Variants in DNAH12 observed in about 807,000 individuals in gnomAD.
DNAH12 encodes dynein axonemal heavy chain 12.
Under a neutral mutation model 371.5 loss-of-function variants are expected in DNAH12, and 285 were observed. That is an observed-to-expected ratio of 0.77 (90% CI 0.70 to 0.85). The LOEUF (loss-of-function observed/expected upper bound fraction) is 0.85. DNAH12 is among the 40% of genes least tolerant of loss of function. The pLI, the probability that DNAH12 is intolerant of heterozygous loss-of-function variation, is 0.00. For missense variants in DNAH12, 3,611 were observed against 3,689.4 expected, an observed-to-expected ratio of 0.98 and a Z score of 0.55; for synonymous variants, 1,200 against 1,213.0, an observed-to-expected ratio of 0.99 and a Z score of 0.22.
intron 32 of DNAH12, among the ~76,000 whole-genome samples, chr3:57,432,509 G>T (rs946448080): frequency 2.7e-5 from 3 of 111,320 alleles, no homozygotes; most frequent in Non-Finnish European, 5.9e-5. Flanking sequence ...CTAATTAAAT[G>T]AGTTTGTTTA....
intron 11 of DNAH12, chr3:57,498,549 A>G: frequency 1.4e-6 from 1 of 717,152 alleles, no homozygotes; most frequent in Non-Finnish European, 2.6e-6. Flanking sequence ...CTAGAAAGAG[A>G]AATGAAAGCA....
intron 49 of DNAH12, among the ~76,000 whole-genome samples, chr3:57,383,719 CG>C (rs1387936376): frequency 7.0e-6 from 1 of 143,564 alleles, no homozygotes; most frequent in African/African-American, 2.6e-5. Flanking sequence ...ATGATCACAT[CG>C]TTGCACTCCA....
intron 34 of DNAH12, 167 bp downstream of exon 34, chr3:57,428,466 T>C (rs753939129): frequency 2.8e-5 from 43 of 1,535,078 alleles, no homozygotes; most frequent in Non-Finnish European, 3.6e-5. Context: ...ATTCAACCCC[T>C]GAGTTATGCA....
At chr3:57,464,983 T>C (rs982278331) in intron 17 of DNAH12, among the ~76,000 whole-genome samples, 1 of 152,206 alleles carries the variant, frequency 6.6e-6, no homozygotes, top group Non-Finnish European at 1.5e-5. Context: ...AGAGGGGGAA[T>C]TGGCACAGGA....
At chr3:57,514,211 T>C (rs1014403241) in intron 4 of DNAH12, among the ~76,000 whole-genome samples, 2 of 151,880 alleles carry the variant, frequency 1.3e-5, no homozygotes, top group African/African-American at 2.4e-5. Context: ...CTGGCCAACA[T>C]GGTGAAACCC....
chr3:57,385,797 G>T (rs1300098508), intron 47 of DNAH12, among the ~76,000 whole-genome samples: 2 of 152,134 alleles, frequency 1.3e-5, no homozygotes, highest in African/African-American at 4.8e-5. Context: ...CAGGAGAATT[G>T]CTTGAACCCG....
chr3:57,335,623 G>T (rs182019617), intron 60 of DNAH12, among the ~76,000 whole-genome samples: 2 of 152,272 alleles, frequency 1.3e-5, no homozygotes, highest in Admixed American at 6.5e-5. Context: ...TAACATAATG[G>T]CATGTATTTG....
intron 2 of DNAH12, chr3:57,530,742 C>A: frequency 3.7e-6 from 1 of 268,464 alleles, no homozygotes; most frequent in Non-Finnish European, 7.3e-6. Context: ...ATTGATGATC[C>A]TTGTTTTGCA....
At chr3:57,368,520 T>TA (rs36132992) in intron 55 of DNAH12, among the ~76,000 whole-genome samples, 79,065 of 151,936 alleles carry the variant, frequency 0.52, 21,898 homozygotes, top group Non-Finnish European at 0.63. Flanking sequence ...AGTTCAGTGT[T>TA]AGAAGTAGTA....
upstream of DNAH12, among the ~76,000 whole-genome samples, chr3:57,545,495 A>G (rs1254275144): frequency 6.6e-6 from 1 of 151,790 alleles, no homozygotes; most frequent in East Asian, 1.9e-4. Flanking sequence ...ATGACAGATT[A>G]GACAGTTTTT....
the DNAH12 span, among the ~76,000 whole-genome samples, chr3:57,550,506 A>C: frequency 6.6e-6 from 1 of 151,746 alleles, no homozygotes; most frequent in Non-Finnish European, 1.5e-5. Context: ...ATTTTTCCAT[A>C]CATTTATTTT....
Position 57,301,824 on chromosome 3 carries a change from G to T in DNAH12, c.11305C>A (p.Pro3769Thr), listed in dbSNP as rs1307743058. Reference protein sequence around the residue: ...LSGSLLVGKVPEIWAKRSYPS... With the variant: ...LSGSLLVGKVTEIWAKRSYPS... ...TATGAACGTTTGGCCCATATTTCTGGAACCTTTCCAACAAGTAAGCTACCG... is the reference window on the plus strand; with the variant it reads ...TATGAACGTTTGGCCCATATTTCTGTAACCTTTCCAACAAGTAAGCTACCG... The change falls in exon 70 of 74, where the codon CCA becomes ACA. Residue 3769 changes from proline (P) to threonine (T), a missense_variant. Pro to Thr is a conservative substitution (Grantham distance 38). This residue lies in a region of DNAH12 where 2,266 missense variants were observed against 2,236.9 expected (regional missense o/e 1.01). Transcript: ENST00000495027. 20 of 1,551,306 alleles carry T rather than the reference G, an allele frequency of 1.3e-5. No individual in the cohort carries two copies. The highest frequency in any genetic ancestry group is 1.1e-4 in the South Asian group (9 of 84,048).
intron 44 of DNAH12, among the ~76,000 whole-genome samples, 171 bp downstream of exon 44, chr3:57,394,000 T>C (rs1260883303): frequency 1.3e-5 from 2 of 152,204 alleles, no homozygotes; most frequent in African/African-American, 4.8e-5. Flanking sequence ...ATAACTATGG[T>C]AGAAGCAATT....
chr3:57,502,529 ATAAT>A (rs747317984), intron 9 of DNAH12, 50 bp from the exon 10 acceptor site: 2 of 1,538,038 alleles, frequency 1.3e-6, no homozygotes, highest in South Asian at 2.3e-5. Flanking sequence ...ATCTAACTGT[ATAAT>A]TAATCTATAT....
At position 57,334,936 on chromosome 3, in the gene DNAH12, T is replaced by C. The variant is rs1003024996; in HGVS notation, c.9679A>G (p.Arg3227Gly). Residue 3227 changes from arginine to glycine, a missense_variant, in exon 61 of 74, where the codon AGG becomes GGG. Coordinates refer to ENST00000495027, the MANE Select transcript of DNAH12 (RefSeq NM_001366028.2). The part of the protein sequence containing the change: ...FLLCANLLLA[R>G]KEIEYQELMF... ...AGTTCCTGGTATTCAATCTCTTTCCTTGCCCTGTATTCCCAAAATAAGGAC... is the reference window on the plus strand; with the variant it reads ...AGTTCCTGGTATTCAATCTCTTTCCCTGCCCTGTATTCCCAAAATAAGGAC... 7.1e-6 allele frequency: 11 copies of C among 1,541,168 alleles called. No individual in the cohort carries two copies. In the Admixed American group the frequency reaches 1.9e-4, roughly 26 times the overall value.
chr3:57,527,248 G>C (rs896895405), intron 2 of DNAH12, among the ~76,000 whole-genome samples: 5 of 152,114 alleles, frequency 3.3e-5, no homozygotes, highest in African/African-American at 1.2e-4. Context: ...TGTAATTCCA[G>C]TCCTTTGGGA....
intron 2 of DNAH12, among the ~76,000 whole-genome samples, chr3:57,532,994 A>G (rs1392243967): frequency 2.5e-4 from 38 of 152,186 alleles, no homozygotes; most frequent in Admixed American, 2.4e-3. Flanking sequence ...CAAAAACCTT[A>G]GAAATCTACC....
chr3:57,528,881 C>A (rs1315313170), intron 2 of DNAH12, among the ~76,000 whole-genome samples: 2 of 151,772 alleles, frequency 1.3e-5, no homozygotes, highest in East Asian at 3.9e-4. Flanking sequence ...CTCACTGTAA[C>A]CTCTGCCATC....
intron 33 of DNAH12, among the ~76,000 whole-genome samples, chr3:57,429,178 C>T (rs887658613): frequency 1.2e-5 from 1 of 84,900 alleles, no homozygotes; most frequent in Admixed American, 1.1e-4. Context: ...CCTCTCCACA[C>T]ATTTTTTTTT....
Sources: gnomAD v4.1 joint callset for allele counts (sites outside exome capture counted in the v4.1 genomes callset) on GRCh38, gnomAD v4.1.1 for gene constraint, gnomAD v4.1.1 regional missense constraint, MANE v1.5 for transcripts, NCBI Gene and HGNC (gene_info 2026-07-23, HGNC 2026-07-21) for gene names.